Variants in SOX6 observed in about 807,000 individuals in gnomAD.
The protein encoded by SOX6 is SRY-box transcription factor 6, also known as transcription factor SOX-6.
A neutral mutation model predicts 97.8 loss-of-function variants in SOX6; 11 were observed. The observed-to-expected ratio is 0.11, with a 90% CI of 0.07 to 0.19. The LOEUF (loss-of-function observed/expected upper bound fraction) is 0.19, where lower values mean the gene tolerates loss of function less well. Ranked by LOEUF, SOX6 falls within the 10% of genes least tolerant of loss-of-function variation. The pLI is 1.00. For missense variants in SOX6, 810 were observed against 1,039.5 expected (o/e 0.78, Z 3.04); for synonymous variants, 360 against 371.4 (o/e 0.97, Z 0.35).
At chr11:16,199,922 T>A (rs1448267416) in intron 4 of SOX6, among the ~76,000 whole-genome samples, 3 of 152,046 alleles carry the variant, frequency 2.0e-5, no homozygotes, top group African/African-American at 4.8e-5. Flanking sequence ...ACAGGAAAAA[T>A]TTCACAAGAA....
chr11:16,674,404 A>G (rs1238509624), intron 3 of SOX6, among the ~76,000 whole-genome samples: 1 of 152,170 alleles, frequency 6.6e-6, no homozygotes, highest in African/African-American at 2.4e-5. Context: ...ATATCTCAAC[A>G]TAATAAAACT....
At chr11:16,388,796 A>G (rs1033536326) in intron 1 of SOX6, among the ~76,000 whole-genome samples, 2 of 152,034 alleles carry the variant, frequency 1.3e-5, no homozygotes, top group African/African-American at 4.8e-5. Context: ...TTTTGCCTGT[A>G]CATTTTTCTT....
intron 13 of SOX6, among the ~76,000 whole-genome samples, chr11:15,990,637 A>G (rs1368085106): frequency 6.6e-6 from 1 of 152,178 alleles, no homozygotes; most frequent in Non-Finnish European, 1.5e-5. Flanking sequence ...AGGGCGATAT[A>G]CTGATGTATA....
intron 3 of SOX6, among the ~76,000 whole-genome samples, chr11:16,249,103 A>G (rs2134196370): frequency 1.3e-5 from 2 of 152,166 alleles, no homozygotes; most frequent in South Asian, 4.2e-4. Context: ...TCTCAAAAAA[A>G]AAAAAGAAAA....
intron 1 of SOX6, among the ~76,000 whole-genome samples, chr11:16,433,981 C>G (rs1170181226): frequency 6.6e-6 from 1 of 151,986 alleles, no homozygotes; most frequent in Non-Finnish European, 1.5e-5. Flanking sequence ...CATATGTACC[C>G]TTCTAGTCTT....
intron 4 of SOX6, among the ~76,000 whole-genome samples, chr11:16,232,137 A>G (rs1852872782): frequency 6.6e-6 from 1 of 151,886 alleles, no homozygotes; most frequent in Admixed American, 6.6e-5. Flanking sequence ...TTCCTCAAAG[A>G]TATAATTTAG....
At chr11:16,206,684 AT>A (rs1852080538) in intron 4 of SOX6, among the ~76,000 whole-genome samples, 1 of 152,240 alleles carries the variant, frequency 6.6e-6, no homozygotes, top group African/African-American at 2.4e-5. Context: ...AATACTTGCC[AT>A]TATGATCATA....
At chr11:16,062,489 A>G (rs1847984478) in intron 9 of SOX6, among the ~76,000 whole-genome samples, 1 of 151,708 alleles carries the variant, frequency 6.6e-6, no homozygotes, top group African/African-American at 2.4e-5. Context: ...TTAAAAATCA[A>G]CAATATAGTA....
chr11:16,120,122 TTCTCTCTCTCTCCTTCCCCTCTG>T (rs1218335975), intron 6 of SOX6, among the ~76,000 whole-genome samples: 1 of 123,344 alleles, frequency 8.1e-6, no homozygotes, highest in African/African-American at 3.0e-5. Flanking sequence ...CCCCACCCCT[TTCTCTCTCTCTCCTTCCCCTCTG>T]TCTCTCTCTT....
In SOX6 at chr11:15,978,888, A is replaced by ATATATATTATATATAATATATATAAGCAT. The variant is rs1853576844; in HGVS notation, c.2184-5805_2184-5777dup. On this transcript the variant is annotated intron_variant, in intron 15 of 15. Transcript: ENST00000683767. ...ATATAACATATAAGCATTATATATA[A>ATATATATTATATATAATATATATAAGCAT]TATATATTATATATAATATATATAA... is the stretch of plus-strand genomic sequence containing the variant. Among the ~76,000 whole-genome samples the ATATATATTATATATAATATATATAAGCAT allele has an allele frequency of 2.9e-5, 4 of 137,758 alleles. No individual in the cohort carries two copies. The South Asian group carries it at 6.6e-4, about 23-fold the overall frequency. The allele number at this position is 137,758 out of a possible 152,430, so 90.4% of individuals were successfully genotyped here.
chr11:16,548,629 A>G (rs1030826078), intron 4 of SOX6, among the ~76,000 whole-genome samples: 1 of 152,174 alleles, frequency 6.6e-6, no homozygotes, highest in Non-Finnish European at 1.5e-5. Flanking sequence ...ATCAAAATTA[A>G]AAATTTTGGC....
intron 3 of SOX6, among the ~76,000 whole-genome samples, chr11:16,639,458 G>C (rs376103465): frequency 2.6e-5 from 4 of 152,042 alleles, no homozygotes; most frequent in Non-Finnish European, 4.4e-5. Context: ...GAAGAAAGTC[G>C]TTGGTAGCTT....
intron 6 of SOX6, among the ~76,000 whole-genome samples, chr11:16,126,815 G>A (rs1425694168): frequency 6.6e-6 from 1 of 152,092 alleles, no homozygotes; most frequent in African/African-American, 2.4e-5. Context: ...TATACAGAAA[G>A]CATGTTCTCC....
At chr11:16,608,368 C>G (rs919222777) in intron 4 of SOX6, among the ~76,000 whole-genome samples, 4 of 151,494 alleles carry the variant, frequency 2.6e-5, no homozygotes, top group African/African-American at 9.7e-5. Flanking sequence ...ACCACAAAAG[C>G]GAGTCACGAG....
At chr11:16,013,209 G>A (rs2133860621) in intron 13 of SOX6, among the ~76,000 whole-genome samples, 1 of 152,138 alleles carries the variant, frequency 6.6e-6, no homozygotes, top group South Asian at 2.1e-4. Flanking sequence ...ACAGAGCTCT[G>A]TAACTACCAG....
intron 4 of SOX6, among the ~76,000 whole-genome samples, chr11:16,572,911 C>T (rs1316696081): frequency 6.6e-6 from 1 of 152,078 alleles, no homozygotes; most frequent in Non-Finnish European, 1.5e-5. Context: ...AAGCAGATAG[C>T]CCATAAACTA....
chr11:16,355,477 A>T (rs1004066541), intron 1 of SOX6, among the ~76,000 whole-genome samples: 2 of 152,054 alleles, frequency 1.3e-5, no homozygotes, highest in African/African-American at 4.8e-5. Flanking sequence ...TAGTTATAGC[A>T]TTAAATACTA....
chr11:16,637,604 A>C (rs1193814822), intron 3 of SOX6, among the ~76,000 whole-genome samples: 1 of 152,196 alleles, frequency 6.6e-6, no homozygotes, highest in Non-Finnish European at 1.5e-5. Context: ...CTGGATGTTG[A>C]TTAGGGTAAA....
At chr11:16,291,083 T>C (rs1434113874) in intron 3 of SOX6, among the ~76,000 whole-genome samples, 2 of 151,886 alleles carry the variant, frequency 1.3e-5, no homozygotes, top group Admixed American at 1.3e-4. Context: ...CCAATAAAAA[T>C]ATGAATATTT....
Sources: gnomAD v4.1 joint callset for allele counts (sites outside exome capture counted in the v4.1 genomes callset) on GRCh38, gnomAD v4.1.1 for gene constraint, MANE v1.5 for transcripts, NCBI Gene and HGNC (gene_info 2026-07-23, HGNC 2026-07-21) for gene names.